The following PTPN9 variants were observed in gnomAD, a reference collection of about 807,000 sequenced individuals.
The protein encoded by PTPN9 is tyrosine-protein phosphatase non-receptor type 9.
A neutral mutation model predicts 69.8 loss-of-function variants in PTPN9; 26 were observed. The observed-to-expected ratio is 0.37, with a 90% CI of 0.27 to 0.52. The LOEUF is 0.52. Among genes scored for constraint, PTPN9 ranks in the 20% least tolerant of loss-of-function variants. The probability of loss-of-function intolerance (pLI) is 0.91; values close to 1 mark genes in which losing one functional copy is unlikely to be tolerated. For synonymous variants in PTPN9, 274 were observed against 272.5 expected (o/e 1.01, Z -0.05); for missense variants, 549 against 740.3 (o/e 0.74, Z 3.00).
intron 1 of PTPN9, among the ~76,000 whole-genome samples, chr15:75,575,768 A>C (rs1461631985): frequency 6.8e-6 from 1 of 148,110 alleles, no homozygotes; most frequent in Non-Finnish European, 1.5e-5. Context: ...AAATATGAAA[A>C]ATTAGCCAGG....
chr15:75,559,637 A>T (rs1567523805), intron 1 of PTPN9, among the ~76,000 whole-genome samples: 1 of 152,032 alleles, frequency 6.6e-6, no homozygotes. Flanking sequence ...AACACTGCGG[A>T]AGGCCGCAGG....
rs758109980 is a variant in PTPN9, at chr15:75,527,107, G to A, written c.207+11C>T. 1 of 1,614,048 alleles carries A rather than the reference G, an allele frequency of 6.2e-7. No individual in the cohort carries two copies. The highest frequency in any genetic ancestry group is 1.7e-5 in the Admixed American group (1 of 59,986). On this transcript the variant is annotated intron_variant, in intron 2 of 12. Coordinates refer to ENST00000618819, the MANE Select transcript of PTPN9 (RefSeq NM_002833.4). ...ACTGCCACAGGTCTGGTCTACCCCTGAGCCACATACTCTGTAGGAGTGGAA... is the reference window on the plus strand; with the variant it reads ...ACTGCCACAGGTCTGGTCTACCCCTAAGCCACATACTCTGTAGGAGTGGAA...
intron 5 of PTPN9, chr15:75,513,241 A>G: frequency 2.2e-6 from 1 of 455,384 alleles, no homozygotes; most frequent in Non-Finnish European, 4.4e-6. Flanking sequence ...GTGTTTTCCT[A>G]GAATGGTTTT....
intron 1 of PTPN9, among the ~76,000 whole-genome samples, chr15:75,544,127 A>G (rs1454290439): frequency 6.6e-6 from 1 of 152,218 alleles, no homozygotes; most frequent in East Asian, 1.9e-4. Context: ...AAACAAGGAA[A>G]ACAAGGAAGT....
chr15:75,553,665 CAG>C (rs1158113612), intron 1 of PTPN9, among the ~76,000 whole-genome samples: 1 of 152,140 alleles, frequency 6.6e-6, no homozygotes, highest in African/African-American at 2.4e-5. Context: ...ATGGATCTGA[CAG>C]AGTGACTTGT....
chr15:75,576,602 G>A (rs1844310543), intron 1 of PTPN9, among the ~76,000 whole-genome samples: 1 of 150,256 alleles, frequency 6.7e-6, no homozygotes, highest in Admixed American at 6.7e-5. Context: ...GAGGTCAGGA[G>A]TTCAAGACCA....
At position 75,464,727 on chromosome 15, in the gene PTPN9, C is replaced by A. The variant is rs79703513; in HGVS notation, c.*4042G>T. ...AGTTTTTGTATGTGTGTCTGTCTGTCCCAAGAGACAGGAAGCATTCCTTTC... is the reference window on the plus strand; with the variant it reads ...AGTTTTTGTATGTGTGTCTGTCTGTACCAAGAGACAGGAAGCATTCCTTTC... On this transcript the variant is annotated 3_prime_UTR_variant, in exon 13 of 13. Transcript: ENST00000618819. 30,811 of 152,126 alleles carry A rather than the reference C, an allele frequency of 0.2. 3,540 individuals carry two copies. Among genetic ancestry groups the A allele is most frequent in the Non-Finnish European group, 0.26 (17,446 of 67,976 alleles). The allele number at this position is 152,126 out of a possible 1,614,324, so 9.4% of individuals were successfully genotyped here. A position where few individuals can be genotyped will look rare whatever the true frequency, so the allele number is the denominator to read the frequency against.
intron 1 of PTPN9, among the ~76,000 whole-genome samples, chr15:75,553,421 T>C (rs758337797): frequency 2.0e-5 from 3 of 152,160 alleles, no homozygotes; most frequent in Admixed American, 1.3e-4. Flanking sequence ...AGTGCTAAAC[T>C]TTAAGAGGGT....
At chr15:75,500,981 CAG>C (rs1450350663) in intron 7 of PTPN9, among the ~76,000 whole-genome samples, 1 of 151,878 alleles carries the variant, frequency 6.6e-6, no homozygotes, top group Non-Finnish European at 1.5e-5. Context: ...AGGGAAGAAA[CAG>C]AGCTGTATGA....
In PTPN9 at chr15:75,467,131, A is replaced by G. The variant is rs776298565; in HGVS notation, c.*1638T>C. The G allele has an allele frequency of 1.4e-4, 22 of 152,626 alleles. No homozygotes were observed. The highest frequency in any genetic ancestry group is 3.6e-4 in the African/African-American group (15 of 41,436). 9.5% of individuals were successfully genotyped at this position (152,626 alleles called of 1,614,324 possible). ...TGATGAAGCTAAAAGGGTTTTGATC[A>G]TGTCGGTATATTTATATGTAAATAC... On this transcript the variant is annotated 3_prime_UTR_variant, in exon 13 of 13. Transcript: ENST00000618819.
chr15:75,510,069 ATCT>A (rs1312971633), intron 5 of PTPN9, among the ~76,000 whole-genome samples: 1 of 152,202 alleles, frequency 6.6e-6, no homozygotes, highest in East Asian at 1.9e-4. Flanking sequence ...TGTATGCATA[ATCT>A]TTTTTTAATC....
chr15:75,500,758 T>C (rs1040171718), intron 7 of PTPN9, among the ~76,000 whole-genome samples: 5 of 151,250 alleles, frequency 3.3e-5, no homozygotes, highest in African/African-American at 2.4e-5. Flanking sequence ...TGGTGGTGCA[T>C]GTCTGTGGTC....
chr15:75,508,601 T>G (rs757095842), intron 6 of PTPN9, among the ~76,000 whole-genome samples: 1 of 152,194 alleles, frequency 6.6e-6, no homozygotes, highest in Non-Finnish European at 1.5e-5. Context: ...AGGATAAATT[T>G]TGGAAGTAGC....
chr15:75,464,079 G>A lies in PTPN9; in HGVS notation c.*4690C>T. 1 of 152,342 alleles carries A rather than the reference G, an allele frequency of 6.6e-6. No individual in the cohort carries two copies. Among genetic ancestry groups the A allele is most frequent in the South Asian group, 2.1e-4 (1 of 4,842 alleles). The allele number at this position is 152,342 out of a possible 1,614,324, so 9.4% of individuals were successfully genotyped here. A position where few individuals can be genotyped will look rare whatever the true frequency, so the allele number is the denominator to read the frequency against. ...GACCTGCTTTTCCTCCAATTGGAAG[G>A]CCAAGGGGGAAGAGAACTGAGGGAA... is the stretch of plus-strand genomic sequence containing the variant. On this transcript the variant is annotated 3_prime_UTR_variant, in exon 13 of 13. Coordinates refer to ENST00000618819, the MANE Select transcript of PTPN9 (RefSeq NM_002833.4).
At chr15:75,545,225 G>C (rs984352298) in intron 1 of PTPN9, among the ~76,000 whole-genome samples, 2 of 152,072 alleles carry the variant, frequency 1.3e-5, no homozygotes, top group Non-Finnish European at 2.9e-5. Context: ...AGAGTAGGAA[G>C]AACACATTTG....
intron 8 of PTPN9, among the ~76,000 whole-genome samples, chr15:75,481,922 C>T (rs2074638235): frequency 6.9e-6 from 1 of 145,924 alleles, no homozygotes. Flanking sequence ...AAGTGAGGAG[C>T]CCCTCTGCCC....
rs1256467242 is a variant in PTPN9 at position 75,464,855 on chromosome 15, T to G, written c.*3914A>C. 1 of 152,208 alleles carries G rather than the reference T, an allele frequency of 6.6e-6. No individual in the cohort carries two copies. Among genetic ancestry groups the G allele is most frequent in the African/African-American group, 2.4e-5 (1 of 41,452 alleles). The allele number at this position is 152,208 out of a possible 1,614,324, so 9.4% of individuals were successfully genotyped here. On this transcript the variant is annotated 3_prime_UTR_variant, in exon 13 of 13. Coordinates refer to ENST00000618819, the MANE Select transcript of PTPN9 (RefSeq NM_002833.4). ...TACCTGCATACTGTCACATGAAGAC[T>G]GATAAGGGTGGGCCTCCGAGGCTGA...
rs1285107737 is a variant in PTPN9, at chr15:75,467,861, A to G, written c.*908T>C. On this transcript the variant is annotated 3_prime_UTR_variant, in exon 13 of 13. Coordinates refer to ENST00000618819, the MANE Select transcript of PTPN9 (RefSeq NM_002833.4). Reference sequence around the variant, plus strand: ...CCAAATTGGCCAAGTAAATGTAGAAAAATCATCGGATAAGGGAAATCCATG... The same window carrying G: ...CCAAATTGGCCAAGTAAATGTAGAAGAATCATCGGATAAGGGAAATCCATG... The G allele has an allele frequency of 1.3e-5, 2 of 152,664 alleles. No individual in the cohort carries two copies. The highest frequency in any genetic ancestry group is 3.8e-4 in the East Asian group (2 of 5,198). The allele number at this position is 152,664 out of a possible 1,614,324, so 9.5% of individuals were successfully genotyped here.
chr15:75,561,778 C>T (rs1054070457), intron 1 of PTPN9, among the ~76,000 whole-genome samples: 10 of 152,106 alleles, frequency 6.6e-5, no homozygotes, highest in Admixed American at 5.9e-4. Context: ...GACACGATCT[C>T]GGCTCACCAC....
Sources: allele counts gnomAD v4.1 joint callset (sites outside exome capture counted in the v4.1 genomes callset), GRCh38; gene constraint gnomAD v4.1.1; transcripts MANE v1.5; gene names NCBI Gene and HGNC (gene_info 2026-07-23, HGNC 2026-07-21).